ERBB4: variants seen among roughly 807,000 people sequenced by gnomAD.
The protein encoded by ERBB4 is erb-b2 receptor tyrosine kinase 4, also known as receptor tyrosine-protein kinase erbB-4.
ERBB4 carries 42 observed loss-of-function variants against 158.0 expected under a neutral mutation model. That is an observed-to-expected ratio of 0.27 (90% CI 0.21 to 0.34). The LOEUF (loss-of-function observed/expected upper bound fraction) is 0.34. Ranked by LOEUF, ERBB4 falls within the 10% of genes least tolerant of loss-of-function variation. The pLI is 1.00. For synonymous variants in ERBB4, 583 were observed against 558.7 expected, an observed-to-expected ratio of 1.04 and a Z score of -0.61; for missense variants, 1,333 against 1,624.1, an observed-to-expected ratio of 0.82 and a Z score of 3.08.
At chr2:211,717,116 CA>C (rs934109043) in intron 7 of ERBB4, among the ~76,000 whole-genome samples, 1 of 151,914 alleles carries the variant, frequency 6.6e-6, no homozygotes, top group Non-Finnish European at 1.5e-5. Flanking sequence ...GGGAAAGCAC[CA>C]AAAAAACTCC....
At chr2:212,334,361 T>C (rs1466457431) in intron 1 of ERBB4, among the ~76,000 whole-genome samples, 1 of 152,030 alleles carries the variant, frequency 6.6e-6, no homozygotes, top group African/African-American at 2.4e-5. Flanking sequence ...ATTTTGTTCA[T>C]TGATATATTC....
chr2:212,242,155 C>T (rs1470920563), intron 1 of ERBB4, among the ~76,000 whole-genome samples: 1 of 151,736 alleles, frequency 6.6e-6, no homozygotes, highest in African/African-American at 2.4e-5. Flanking sequence ...TTTTATATAC[C>T]TGATTTAAAT....
At chr2:212,026,475 C>G (rs2076775214) in intron 2 of ERBB4, among the ~76,000 whole-genome samples, 1 of 151,720 alleles carries the variant, frequency 6.6e-6, no homozygotes, top group South Asian at 2.1e-4. Flanking sequence ...ATTCGTCACT[C>G]AAAACAACTT....
At chr2:211,779,559 T>C (rs900448564) in intron 4 of ERBB4, 4 of 152,232 alleles carry the variant, frequency 2.6e-5, no homozygotes, top group Non-Finnish European at 5.9e-5. Context: ...CTGATTATCC[T>C]GATGCATACA....
chr2:211,880,151 A>G (rs186854306), intron 3 of ERBB4, among the ~76,000 whole-genome samples: 90 of 152,160 alleles, frequency 5.9e-4, no homozygotes, highest in African/African-American at 1.8e-3. Flanking sequence ...TACCCAAGAC[A>G]GTGTTTTGTT....
intron 1 of ERBB4, among the ~76,000 whole-genome samples, chr2:212,423,358 A>G (rs2091840602): frequency 6.6e-6 from 1 of 152,210 alleles, no homozygotes; most frequent in Admixed American, 6.5e-5. Context: ...GATTATCTGA[A>G]TCACAGAAAA....
At chr2:212,095,249 T>G (rs540786041) in intron 2 of ERBB4, among the ~76,000 whole-genome samples, 1 of 152,220 alleles carries the variant, frequency 6.6e-6, no homozygotes, top group Non-Finnish European at 1.5e-5. Context: ...CATGCAGTTA[T>G]CAAAACAACT....
intron 1 of ERBB4, among the ~76,000 whole-genome samples, chr2:212,370,819 T>C (rs1475145436): frequency 1.3e-5 from 2 of 152,166 alleles, no homozygotes; most frequent in Admixed American, 6.6e-5. Context: ...TAGCAATAAA[T>C]GATAACTCTT....
intron 2 of ERBB4, among the ~76,000 whole-genome samples, chr2:212,110,339 T>C (rs6435689): frequency 0.71 from 107,356 of 152,128 alleles, 39,617 homozygotes; most frequent in African/African-American, 0.89. Context: ...TTGCTTACTC[T>C]TCTTCTCTTC....
intron 3 of ERBB4, among the ~76,000 whole-genome samples, chr2:211,933,748 C>T (rs370710552): frequency 1.1e-4 from 17 of 151,924 alleles, no homozygotes; most frequent in African/African-American, 2.9e-4. Context: ...GACTCAGTTT[C>T]GAAATGAGAG....
intron 2 of ERBB4, among the ~76,000 whole-genome samples, chr2:212,052,924 T>G (rs2077441948): frequency 6.6e-6 from 1 of 152,236 alleles, no homozygotes; most frequent in African/African-American, 2.4e-5. Context: ...AAAAGCTTTC[T>G]TTCCTGACAA....
At chr2:212,167,474 C>A (rs948662722) in intron 1 of ERBB4, among the ~76,000 whole-genome samples, 1 of 152,062 alleles carries the variant, frequency 6.6e-6, no homozygotes, top group Non-Finnish European at 1.5e-5. Flanking sequence ...AATAGGAACA[C>A]TTTTACACTG....
At chr2:212,162,572 A>G (rs1327275024) in intron 1 of ERBB4, among the ~76,000 whole-genome samples, 2 of 151,876 alleles carry the variant, frequency 1.3e-5, no homozygotes, top group African/African-American at 2.4e-5. Context: ...ATTTTACGTC[A>G]AAAGAAAATG....
intron 3 of ERBB4, among the ~76,000 whole-genome samples, chr2:211,921,920 T>C (rs2125078923): frequency 1.3e-5 from 2 of 152,254 alleles, no homozygotes; most frequent in Non-Finnish European, 2.9e-5. Context: ...AGCTGGATGG[T>C]AGTTGTGATT....
intron 20 of ERBB4, among the ~76,000 whole-genome samples, chr2:211,450,232 T>C (rs1284117574): frequency 6.6e-6 from 1 of 152,012 alleles, no homozygotes; most frequent in East Asian, 1.9e-4. Context: ...GAGAACTTGA[T>C]GTGGGGTAAG....
At chr2:212,373,785 C>A (rs1373343575) in intron 1 of ERBB4, among the ~76,000 whole-genome samples, 3 of 117,022 alleles carry the variant, frequency 2.6e-5, no homozygotes, top group Admixed American at 8.7e-5. Context: ...ATGTATATAT[C>A]CACGTATATA....
intron 1 of ERBB4, among the ~76,000 whole-genome samples, chr2:212,191,654 C>CAT (rs2082216765): frequency 1.4e-4 from 12 of 88,434 alleles, no homozygotes; most frequent in Non-Finnish European, 2.7e-4. Flanking sequence ...ATAACACATG[C>CAT]GTTATACATG....
chr2:211,699,144 T>A (rs1238733550), intron 12 of ERBB4, among the ~76,000 whole-genome samples: 1 of 152,206 alleles, frequency 6.6e-6, no homozygotes, highest in African/African-American at 2.4e-5. Flanking sequence ...TAGATAAGTG[T>A]ATTTGATGGT....
At chr2:212,053,752 G>A (rs1345024529) in intron 2 of ERBB4, among the ~76,000 whole-genome samples, 1 of 152,104 alleles carries the variant, frequency 6.6e-6, no homozygotes, top group African/African-American at 2.4e-5. Flanking sequence ...TCTCCGATCT[G>A]TTCCTTTACC....
Sources: gnomAD v4.1 joint callset for allele counts (sites outside exome capture counted in the v4.1 genomes callset) on GRCh38, gnomAD v4.1.1 for gene constraint, MANE v1.5 for transcripts, NCBI Gene and HGNC (gene_info 2026-07-23, HGNC 2026-07-21) for gene names.